NAV3: variants seen among roughly 807,000 people sequenced by gnomAD.
The protein encoded by NAV3 is pore membrane and/or filament interacting like protein 1.
In NAV3, 87 loss-of-function variants were observed where a neutral mutation model predicts 244.7. The observed-to-expected ratio is 0.36, with a 90% CI of 0.30 to 0.42. The LOEUF is 0.42. Among genes scored for constraint, NAV3 ranks in the 20% least tolerant of loss-of-function variants. NAV3 has a pLI of 1.00. For synonymous variants in NAV3, 1,126 were observed against 1,042.2 expected (o/e 1.08, Z -1.55); for missense variants, 2,663 against 2,893.3 (o/e 0.92, Z 1.83).
At position 77,873,679 on chromosome 12, in the gene NAV3, GTATATA is replaced by G. The variant is rs200152687; in HGVS notation, c.243+42000_243+42005del. 3.8e-3 allele frequency among the ~76,000 whole-genome samples: 406 copies of G among 107,304 alleles called. 12 individuals carry two copies. Among genetic ancestry groups the G allele is most frequent in the African/African-American group, 0.012 (367 of 31,638 alleles). The allele number at this position is 107,304 out of a possible 152,430, so 70.4% of individuals were successfully genotyped here. ...TTATATATATACATGATTTGTATGT[GTATATA>G]TATATATATATATATATATATATAC... On this transcript the variant is annotated intron_variant, in intron 1 of 39. Coordinates refer to ENST00000397909, the MANE Select transcript of NAV3 (RefSeq NM_001024383.2).
intron 2 of NAV3, among the ~76,000 whole-genome samples, chr12:77,695,418 A>G (rs189036302): frequency 1.3e-5 from 2 of 152,232 alleles, no homozygotes; most frequent in Admixed American, 1.3e-4. Flanking sequence ...TCTTTTCCCC[A>G]GTGTATATTC....
rs550065588 is a variant in NAV3, at chr12:77,747,235, T to C, written c.72+174969T>C. Among the ~76,000 whole-genome samples, 189 of 152,302 alleles carry C rather than the reference T, an allele frequency of 1.2e-3. No homozygotes were observed. The Middle Eastern group carries it at 0.017, about 14-fold the overall frequency. On this transcript the variant is annotated intron_variant, in intron 2 of 8. Coordinates refer to the NAV3 transcript ENST00000550042. Reference sequence around the variant, plus strand: ...GTCTTTTGGCTGCATAAATGTCTTCTTTTGAGAAGTGTCTGTTCATATCCT... The same window carrying C: ...GTCTTTTGGCTGCATAAATGTCTTCCTTTGAGAAGTGTCTGTTCATATCCT...
intron 2 of NAV3, among the ~76,000 whole-genome samples, chr12:77,718,874 C>G (rs1388794978): frequency 1.3e-5 from 2 of 151,990 alleles, no homozygotes; most frequent in Non-Finnish European, 2.9e-5. Context: ...CAGGTGGTCT[C>G]AAACTCCTGA....
intron 2 of NAV3, among the ~76,000 whole-genome samples, chr12:77,728,501 T>G (rs575853986): frequency 2.6e-5 from 4 of 151,958 alleles, no homozygotes; most frequent in Non-Finnish European, 5.9e-5. Flanking sequence ...CAATATTTAG[T>G]CCACTTCTTC....
chr12:78,042,982 T>C (rs1881136341), intron 9 of NAV3, among the ~76,000 whole-genome samples: 1 of 152,128 alleles, frequency 6.6e-6, no homozygotes, highest in Non-Finnish European at 1.5e-5. Flanking sequence ...GTGCAGAATG[T>C]GCAGGTTTGT....
intron 1 of NAV3, among the ~76,000 whole-genome samples, chr12:77,874,099 C>T (rs1295712592): frequency 1.3e-5 from 2 of 151,996 alleles, no homozygotes; most frequent in Admixed American, 6.6e-5. Context: ...TCTTCTCAAA[C>T]CCCCACCCAC....
Position 77,659,674 on chromosome 12 carries a change from G to A in NAV3, c.72+87408G>A, listed in dbSNP as rs561135161. 5.3e-4 allele frequency among the ~76,000 whole-genome samples: 80 copies of A among 152,108 alleles called. No homozygotes were observed. The Middle Eastern group carries it at 0.01, about 19-fold the overall frequency. ...ACACATGCACATGTATGTTTATTGC[G>A]GCACTATTCACAATAGCAAAGACTT... On this transcript the variant is annotated intron_variant, in intron 2 of 8. Coordinates refer to the NAV3 transcript ENST00000550042.
At position 77,637,928 on chromosome 12, in the gene NAV3, A is replaced by C. The variant is rs147170071; in HGVS notation, c.72+65662A>C. 2.0e-3 allele frequency among the ~76,000 whole-genome samples: 306 copies of C among 152,316 alleles called. 1 individual carries two copies. The highest frequency in any genetic ancestry group is 7.1e-3 in the African/African-American group (296 of 41,592). ...TTTCCTTATTTGACTAGTGTCTTAGAAAATTTCTGAATTGACATTTTAATT... is the reference window on the plus strand; with the variant it reads ...TTTCCTTATTTGACTAGTGTCTTAGCAAATTTCTGAATTGACATTTTAATT... On this transcript the variant is annotated intron_variant, in intron 2 of 8. Coordinates refer to the NAV3 transcript ENST00000550042.
At chr12:77,999,506 C>T (rs899292777) in intron 7 of NAV3, among the ~76,000 whole-genome samples, 24 of 152,084 alleles carry the variant, frequency 1.6e-4, no homozygotes, top group Admixed American at 5.9e-4. Flanking sequence ...CAAATGTGAA[C>T]GGACAGATGT....
At chr12:78,003,842 C>T (rs190550863) in intron 7 of NAV3, among the ~76,000 whole-genome samples, 85 of 152,306 alleles carry the variant, frequency 5.6e-4, no homozygotes, top group Admixed American at 1.4e-3. Context: ...CACATCAACT[C>T]AGAGGAACAG....
At chr12:77,647,946 A>G (rs1872671434) in intron 2 of NAV3, among the ~76,000 whole-genome samples, 2 of 152,138 alleles carry the variant, frequency 1.3e-5, no homozygotes, top group Admixed American at 1.3e-4. Flanking sequence ...ATTCAATAAT[A>G]TTACATTTTG....
chr12:77,747,791 C>A (rs1021737768), intron 2 of NAV3, among the ~76,000 whole-genome samples: 8 of 152,058 alleles, frequency 5.3e-5, no homozygotes, highest in African/African-American at 1.4e-4. Context: ...AGACAAAAAA[C>A]CAAACACTGC....
At chr12:78,187,669 G>A (rs1412806522) in intron 31 of NAV3, among the ~76,000 whole-genome samples, 1 of 151,832 alleles carries the variant, frequency 6.6e-6, no homozygotes, top group East Asian at 1.9e-4. Context: ...GAGAATTTCT[G>A]ATAAATTCAA....
chr12:78,073,774 T>C (rs1005991086), intron 12 of NAV3, among the ~76,000 whole-genome samples: 5 of 152,128 alleles, frequency 3.3e-5, no homozygotes, highest in Non-Finnish European at 7.3e-5. Flanking sequence ...GGCATCACAC[T>C]ACCTGACTTC....
chr12:78,054,813 G>T (rs1054123473), intron 11 of NAV3, among the ~76,000 whole-genome samples: 1 of 152,040 alleles, frequency 6.6e-6, no homozygotes, highest in African/African-American at 2.4e-5. Flanking sequence ...GAGAGAGAGC[G>T]AGAGAGAGAG....
chr12:78,147,783 T>C (rs1009713108), intron 21 of NAV3, among the ~76,000 whole-genome samples: 1 of 152,058 alleles, frequency 6.6e-6, no homozygotes. Context: ...ATAAACTATG[T>C]CAAGAATTCT....
At chr12:77,993,019 G>A (rs533282783) in intron 5 of NAV3, among the ~76,000 whole-genome samples, 2 of 152,292 alleles carry the variant, frequency 1.3e-5, no homozygotes, top group South Asian at 2.1e-4. Context: ...AAGAATTCAG[G>A]TTCAAAGTAC....
intron 1 of NAV3, among the ~76,000 whole-genome samples, chr12:77,839,690 C>T (rs553012120): frequency 7.9e-5 from 12 of 152,080 alleles, no homozygotes; most frequent in Non-Finnish European, 1.6e-4. Context: ...GATACTTTCA[C>T]ATAAAAGTGC....
At chr12:77,746,975 C>G (rs1234451789) in intron 2 of NAV3, among the ~76,000 whole-genome samples, 1 of 152,108 alleles carries the variant, frequency 6.6e-6, no homozygotes, top group Admixed American at 6.6e-5. Flanking sequence ...TGCACTTTGA[C>G]AGGTATGATT....
Sources: gnomAD v4.1 joint callset for allele counts (sites outside exome capture counted in the v4.1 genomes callset) on GRCh38, gnomAD v4.1.1 for gene constraint, MANE v1.5 for transcripts, NCBI Gene and HGNC (gene_info 2026-07-23, HGNC 2026-07-21) for gene names.